The following ANKRD30BL variants were observed in gnomAD, a reference collection of about 807,000 sequenced individuals.
ANKRD30BL encodes putative ankyrin repeat domain-containing protein 30B-like.
A neutral mutation model predicts 18.4 loss-of-function variants in ANKRD30BL; 20 were observed. The observed-to-expected ratio is 1.09, with a 90% CI of 0.77 to 1.58. The LOEUF (loss-of-function observed/expected upper bound fraction) is 1.58. ANKRD30BL is among the 40% of genes most tolerant of loss of function. ANKRD30BL has a pLI of 0.00. For missense variants in ANKRD30BL, 224 were observed against 268.6 expected (o/e 0.83, Z 1.16); for synonymous variants, 72 against 100.9 (o/e 0.71, Z 1.72).
intron 1 of ANKRD30BL, among the ~76,000 whole-genome samples, chr2:132,185,961 T>C (rs1688553275): frequency 6.6e-6 from 1 of 151,976 alleles, no homozygotes; most frequent in East Asian, 1.9e-4. Flanking sequence ...GCCAACATGG[T>C]AAAACTCCAT....
chr2:132,241,109 CTT>C (rs1324998647), intron 1 of ANKRD30BL, among the ~76,000 whole-genome samples: 1 of 151,696 alleles, frequency 6.6e-6, no homozygotes, highest in African/African-American at 2.4e-5. Context: ...TTGTAACACT[CTT>C]TTTGTATATC....
chr2:132,198,650 C>G (rs1016447896), intron 1 of ANKRD30BL, among the ~76,000 whole-genome samples: 5 of 144,626 alleles, frequency 3.5e-5, no homozygotes, highest in African/African-American at 1.3e-4. Context: ...ACAGTTTTTG[C>G]TCTGTTGCCC....
chr2:132,161,905 C>T lies in ANKRD30BL; in HGVS notation c.-200G>A, dbSNP rs1277214549. On this transcript the variant is annotated 5_prime_UTR_variant, in exon 1 of 6. Transcript: ENST00000409867. The stretch of plus-strand genomic sequence containing the variant: ...AAAACCGTTAGGCAGCTGAGCAGAA[C>T]CGTTAGGCACCTGAGCAGAACCTTT... 1 of 576,754 alleles carries T rather than the reference C, an allele frequency of 1.7e-6. No individual in the cohort carries two copies. The highest frequency in any genetic ancestry group is 1.9e-5 in the African/African-American group (1 of 53,368). 35.7% of individuals were successfully genotyped at this position (576,754 alleles called of 1,614,324 possible). A position where few individuals can be genotyped will look rare whatever the true frequency, so the allele number is the denominator to read the frequency against.
chr2:132,232,957 AG>A (rs1412736175), intron 1 of ANKRD30BL, among the ~76,000 whole-genome samples: 3 of 152,154 alleles, frequency 2.0e-5, no homozygotes, highest in Admixed American at 1.3e-4. Flanking sequence ...TACCCTCAAA[AG>A]GAAGCCCACC....
intron 1 of ANKRD30BL, among the ~76,000 whole-genome samples, chr2:132,236,256 T>TA (rs150203463): frequency 0.034 from 5,168 of 152,222 alleles, 314 homozygotes; most frequent in African/African-American, 0.12. Flanking sequence ...ACATAGGCAT[T>TA]ACCATTCAGG....
rs181424422 is a variant in ANKRD30BL, at chr2:132,228,135, G to A, written n.441+29394C>T. ...GAAGCATTCTTAGAAACTTTGTGAT[G>A]TGTGCACTGATCTCACAGAGTTAAG... On this transcript the variant is annotated intron_variant and non_coding_transcript_variant, in intron 1 of 4. Transcript: ENST00000470729. 1.8e-4 allele frequency among the ~76,000 whole-genome samples: 28 copies of A among 152,270 alleles called. No homozygotes were observed. In the East Asian group the frequency reaches 5.2e-3, roughly 28 times the overall value.
chr2:132,214,624 G>A (rs1679442260), intron 1 of ANKRD30BL, among the ~76,000 whole-genome samples: 1 of 151,984 alleles, frequency 6.6e-6, no homozygotes. Context: ...CTATCTGCAA[G>A]TGGACATTTG....
At chr2:132,247,460 T>C (rs1680535034) in intron 1 of ANKRD30BL, among the ~76,000 whole-genome samples, 1 of 151,676 alleles carries the variant, frequency 6.6e-6, no homozygotes, top group Non-Finnish European at 1.5e-5. Flanking sequence ...TTCAGAAATA[T>C]CCTTTTGCAG....
At chr2:132,189,303 A>G (rs540715442) in intron 1 of ANKRD30BL, among the ~76,000 whole-genome samples, 4 of 152,342 alleles carry the variant, frequency 2.6e-5, no homozygotes, top group Admixed American at 2.6e-4. Flanking sequence ...AGAAGATTGT[A>G]TTTAGTAATA....
intron 1 of ANKRD30BL, among the ~76,000 whole-genome samples, chr2:132,241,764 T>G (rs112900915): frequency 0.014 from 2,057 of 151,924 alleles, 40 homozygotes; most frequent in African/African-American, 0.047. Context: ...GAATTTTTCT[T>G]TTGATACGCA....
At chr2:132,166,833 T>A, upstream of ANKRD30BL, among the ~76,000 whole-genome samples, 1 of 152,076 alleles carries the variant, frequency 6.6e-6, no homozygotes. Flanking sequence ...TATTTTTCCC[T>A]TGTTATTTAC....
At chr2:132,215,028 T>C (rs1186199076) in intron 1 of ANKRD30BL, among the ~76,000 whole-genome samples, 1 of 151,578 alleles carries the variant, frequency 6.6e-6, no homozygotes, top group South Asian at 2.1e-4. Context: ...AAAAACTAGA[T>C]ATAATCATCC....
chr2:132,228,890 C>T (rs1266348044), intron 1 of ANKRD30BL, among the ~76,000 whole-genome samples: 1 of 151,626 alleles, frequency 6.6e-6, no homozygotes, highest in African/African-American at 2.4e-5. Context: ...GTAGAATCTG[C>T]AAGTGGACAT....
At chr2:132,188,646 C>A (rs899838609) in intron 1 of ANKRD30BL, among the ~76,000 whole-genome samples, 3 of 151,970 alleles carry the variant, frequency 2.0e-5, no homozygotes, top group African/African-American at 4.8e-5. Flanking sequence ...GGAGGTGGAG[C>A]TTGTAGTGAG....
At position 132,219,264 on chromosome 2, in the gene ANKRD30BL, C is replaced by G. The variant is rs569603077; in HGVS notation, n.441+38265G>C. On this transcript the variant is annotated intron_variant and non_coding_transcript_variant, in intron 1 of 4. Transcript: ENST00000470729. ...TGAGACACTCTTTTCACAGGATCTG[C>G]AAGTGGATATTTGGACTGCTTACCA... is the stretch of plus-strand genomic sequence containing the variant. Among the ~76,000 whole-genome samples, 235 of 151,818 alleles carry G rather than the reference C, an allele frequency of 1.5e-3. 1 individual carries two copies. Among genetic ancestry groups the G allele is most frequent in the African/African-American group, 5.3e-3 (220 of 41,220 alleles).
At chr2:132,197,484 A>G (rs1433912368) in intron 1 of ANKRD30BL, among the ~76,000 whole-genome samples, 1 of 151,890 alleles carries the variant, frequency 6.6e-6, no homozygotes, top group African/African-American at 2.4e-5. Flanking sequence ...CTTTTCTGTT[A>G]TTAATTTCCT....
chr2:132,181,335 G>A (rs574832983), intron 1 of ANKRD30BL, among the ~76,000 whole-genome samples: 10 of 151,950 alleles, frequency 6.6e-5, no homozygotes, highest in African/African-American at 1.4e-4. Flanking sequence ...TTGGCTGGGC[G>A]TGGTGGTGGG....
chr2:132,245,545 ACT>A (rs1573889386), intron 1 of ANKRD30BL, among the ~76,000 whole-genome samples: 1 of 152,280 alleles, frequency 6.6e-6, no homozygotes, highest in Non-Finnish European at 1.5e-5. Flanking sequence ...GTTTTGAAAC[ACT>A]CTTTTTGTTG....
chr2:132,248,500 GAA>G (rs1680561904), intron 1 of ANKRD30BL, among the ~76,000 whole-genome samples: 1 of 151,030 alleles, frequency 6.6e-6, no homozygotes, highest in African/African-American at 2.4e-5. Flanking sequence ...CAGATTCTCT[GAA>G]AAGACTCTTT....
Sources: gnomAD v4.1 joint callset for allele counts (sites outside exome capture counted in the v4.1 genomes callset) on GRCh38, gnomAD v4.1.1 for gene constraint, MANE v1.5 for transcripts, NCBI Gene and HGNC (gene_info 2026-07-23, HGNC 2026-07-21) for gene names.